LMBRD1: variants seen among roughly 807,000 people sequenced by gnomAD.
The protein encoded by LMBRD1 is LMBR1 domain containing 1, also known as lysosomal cobalamin transport escort protein LMBD1.
Under a neutral mutation model 74.8 loss-of-function variants are expected in LMBRD1, and 64 were observed. The observed-to-expected ratio is 0.86, with a 90% CI of 0.70 to 1.05. The LOEUF is 1.05. LMBRD1 is among the 50% of genes least tolerant of loss of function. The pLI, the probability that LMBRD1 is intolerant of heterozygous loss-of-function variation, is 0.00. For synonymous variants in LMBRD1, 204 were observed against 216.3 expected, an observed-to-expected ratio of 0.94 and a Z score of 0.50; for missense variants, 652 against 645.9, an observed-to-expected ratio of 1.01 and a Z score of -0.10.
chr6:69,708,155 C>T lies in LMBRD1; in HGVS notation c.915+5490G>A, dbSNP rs1194239209. On this transcript the variant is annotated intron_variant, in intron 9 of 15. Coordinates refer to ENST00000649934, the MANE Select transcript of LMBRD1 (RefSeq NM_018368.4). The stretch of plus-strand genomic sequence containing the variant: ...ATAAGCTCAAAGTATACTCTTCTGT[C>T]AGGGAAGAGTTTATTCAAGTATTTA... 3.3e-5 allele frequency among the ~76,000 whole-genome samples: 5 copies of T among 152,116 alleles called. No homozygotes were observed. In the East Asian group the frequency reaches 5.8e-4, roughly 18 times the overall value.
intron 2 of LMBRD1, among the ~76,000 whole-genome samples, chr6:69,788,561 G>C (rs140567998): frequency 1.6e-4 from 25 of 152,038 alleles, no homozygotes; most frequent in Admixed American, 2.0e-4. Context: ...TTATTTATCA[G>C]AGAAAATGAC....
chr6:69,790,579 AT>A, intron 1 of LMBRD1, 107 bp from the exon 2 acceptor site: 1 of 1,099,300 alleles, frequency 9.1e-7, no homozygotes, highest in Non-Finnish European at 1.4e-6. Context: ...AGTAAAGGTT[AT>A]TTTAGTTGTG....
At chr6:69,703,436 T>C (rs960144) in intron 9 of LMBRD1, among the ~76,000 whole-genome samples, 71,085 of 148,940 alleles carry the variant, frequency 0.48, 17,534 homozygotes, top group East Asian at 0.6. Flanking sequence ...AGATTCCCTC[T>C]CTTTGGTATC....
At chr6:69,686,718 A>C (rs1422634187) in intron 14 of LMBRD1, among the ~76,000 whole-genome samples, 1 of 152,002 alleles carries the variant, frequency 6.6e-6, no homozygotes, top group Admixed American at 6.6e-5. Context: ...CTACCACCAT[A>C]AGCTCTCCCT....
intron 3 of LMBRD1, among the ~76,000 whole-genome samples, chr6:69,763,438 G>A (rs911796702): frequency 3.9e-5 from 6 of 152,154 alleles, no homozygotes; most frequent in Admixed American, 2.0e-4. Flanking sequence ...AGTTTGAACT[G>A]AAGGGGAGGA....
At chr6:69,766,670 G>A (rs1299505184) in intron 3 of LMBRD1, among the ~76,000 whole-genome samples, 1 of 151,750 alleles carries the variant, frequency 6.6e-6, no homozygotes, top group African/African-American at 2.4e-5. Flanking sequence ...AGTGAGTTGG[G>A]AAGTGTTCCT....
At chr6:69,701,840 A>T (rs1562090318) in intron 10 of LMBRD1, 49 bp downstream of exon 10, 2 of 1,254,170 alleles carry the variant, frequency 1.6e-6, no homozygotes, top group Non-Finnish European at 2.3e-6. Context: ...AATGTATATT[A>T]TCATAGAATT....
chr6:69,786,508 C>G (rs569703000), intron 2 of LMBRD1, among the ~76,000 whole-genome samples: 34 of 147,606 alleles, frequency 2.3e-4, no homozygotes, highest in African/African-American at 8.5e-4. Flanking sequence ...ACTATTGGAT[C>G]AGTATATTTC....
At chr6:69,778,360 G>C (rs1421197678) in intron 3 of LMBRD1, among the ~76,000 whole-genome samples, 1 of 152,130 alleles carries the variant, frequency 6.6e-6, no homozygotes, top group Non-Finnish European at 1.5e-5. Flanking sequence ...AGTGGATTGA[G>C]GACACACCAT....
intron 3 of LMBRD1, among the ~76,000 whole-genome samples, chr6:69,769,204 T>C (rs1444433016): frequency 6.6e-6 from 1 of 152,196 alleles, no homozygotes; most frequent in Non-Finnish European, 1.5e-5. Context: ...CTCTTTAATC[T>C]TTCCTCTCTG....
intron 2 of LMBRD1, among the ~76,000 whole-genome samples, chr6:69,787,292 A>T (rs1747091962): frequency 6.6e-6 from 1 of 152,192 alleles, no homozygotes; most frequent in African/African-American, 2.4e-5. Flanking sequence ...AGTTTCAAAT[A>T]AAAACTCATG....
chr6:69,754,144 G>A (rs1332964626), intron 3 of LMBRD1, among the ~76,000 whole-genome samples: 1 of 128,590 alleles, frequency 7.8e-6, no homozygotes, highest in African/African-American at 2.6e-5. Flanking sequence ...AGAGAGGAAG[G>A]GCAGAATAGA....
chr6:69,765,987 A>T (rs1765467102), intron 3 of LMBRD1, among the ~76,000 whole-genome samples: 1 of 151,984 alleles, frequency 6.6e-6, no homozygotes, highest in African/African-American at 2.4e-5. Context: ...GTATTTGTCC[A>T]TATATAGGTT....
intron 3 of LMBRD1, among the ~76,000 whole-genome samples, chr6:69,753,317 C>G (rs1765202728): frequency 1.3e-5 from 2 of 151,946 alleles, no homozygotes; most frequent in Admixed American, 1.3e-4. Context: ...CATAATAGTA[C>G]CAGTATAATT....
intron 9 of LMBRD1, chr6:69,705,808 G>A: frequency 1.7e-6 from 2 of 1,189,398 alleles, no homozygotes; most frequent in Non-Finnish European, 2.5e-6. Context: ...TTCCTCCACT[G>A]CTACTAAATG....
At chr6:69,693,646 A>C (rs899604557) in intron 14 of LMBRD1, among the ~76,000 whole-genome samples, 1 of 151,998 alleles carries the variant, frequency 6.6e-6, no homozygotes, top group Non-Finnish European at 1.5e-5. Context: ...GTTATTTATT[A>C]TAGTATCATT....
chr6:69,788,202 T>C (rs112715586), intron 2 of LMBRD1, among the ~76,000 whole-genome samples: 119 of 152,236 alleles, frequency 7.8e-4, no homozygotes, highest in African/African-American at 2.7e-3. Context: ...AAAGATGAAA[T>C]GTTTTCCCAC....
At position 69,793,718 on chromosome 6, in the gene LMBRD1, CTTT is replaced by C. The variant is rs34341228; in HGVS notation, c.69+3092_69+3094del. On this transcript the variant is annotated intron_variant, in intron 1 of 15. Coordinates refer to ENST00000649934, the MANE Select transcript of LMBRD1 (RefSeq NM_018368.4). ...AGTAGGCAACATTCATGTCCTGAATCTTTTTTTTTTTTTTTTTTTTTTTGAGAC... is the reference window on the plus strand; with the variant it reads ...AGTAGGCAACATTCATGTCCTGAATCTTTTTTTTTTTTTTTTTTTTGAGAC... Among the ~76,000 whole-genome samples the C allele has an allele frequency of 1.2e-4, 12 of 96,048 alleles. No individual in the cohort carries two copies. In the South Asian group the frequency reaches 4.1e-3, roughly 32 times the overall value. The allele number at this position is 96,048 out of a possible 152,430, so 63.0% of individuals were successfully genotyped here.
chr6:69,687,569 A>T (rs541734331), intron 14 of LMBRD1, among the ~76,000 whole-genome samples: 1 of 152,322 alleles, frequency 6.6e-6, no homozygotes, highest in Admixed American at 6.5e-5. Context: ...TAAGACATTT[A>T]TAAATTTATC....
Sources: allele counts gnomAD v4.1 joint callset (sites outside exome capture counted in the v4.1 genomes callset), GRCh38; gene constraint gnomAD v4.1.1; transcripts MANE v1.5; gene names NCBI Gene and HGNC (gene_info 2026-07-23, HGNC 2026-07-21).